The following PDZRN4 variants were observed in gnomAD, a reference collection of about 807,000 sequenced individuals.
The protein encoded by PDZRN4 is PDZ domain containing ring finger 4.
A neutral mutation model predicts 99.0 loss-of-function variants in PDZRN4; 70 were observed. The observed-to-expected ratio is 0.71, with a 90% CI of 0.58 to 0.86. The LOEUF is 0.86. Ranked by LOEUF, PDZRN4 falls within the 40% of genes least tolerant of loss-of-function variation. PDZRN4 has a pLI of 0.00. For missense variants in PDZRN4, 1,474 were observed against 1,331.2 expected, an observed-to-expected ratio of 1.11 and a Z score of -1.67; for synonymous variants, 551 against 501.6, an observed-to-expected ratio of 1.10 and a Z score of -1.32.
At chr12:41,399,835 A>G (rs1952277074) in intron 3 of PDZRN4, among the ~76,000 whole-genome samples, 1 of 151,954 alleles carries the variant, frequency 6.6e-6, no homozygotes, top group Non-Finnish European at 1.5e-5. Context: ...TTAATTGTTC[A>G]ATGGGTTTTT....
chr12:41,374,959 T>C (rs1952068896), intron 3 of PDZRN4, among the ~76,000 whole-genome samples: 1 of 152,198 alleles, frequency 6.6e-6, no homozygotes, highest in Non-Finnish European at 1.5e-5. Context: ...TTTCATTTTG[T>C]GCTCTCTCTC....
At chr12:41,245,532 G>A (rs985271196) in intron 3 of PDZRN4, among the ~76,000 whole-genome samples, 1 of 152,072 alleles carries the variant, frequency 6.6e-6, no homozygotes, top group African/African-American at 2.4e-5. Flanking sequence ...TAATGTAATA[G>A]GATACCTAGG....
chr12:41,446,986 G>A (rs1952734445), intron 3 of PDZRN4, among the ~76,000 whole-genome samples: 1 of 151,858 alleles, frequency 6.6e-6, no homozygotes, highest in Non-Finnish European at 1.5e-5. Context: ...GGGGTAATGG[G>A]AACAGCTGGA....
At chr12:41,343,742 T>C (rs1290513988) in intron 3 of PDZRN4, among the ~76,000 whole-genome samples, 1 of 151,870 alleles carries the variant, frequency 6.6e-6, no homozygotes, top group Non-Finnish European at 1.5e-5. Flanking sequence ...TTTTGAATGG[T>C]CTCACTACAA....
At chr12:41,493,596 C>A (rs1304051297) in intron 3 of PDZRN4, among the ~76,000 whole-genome samples, 2 of 152,098 alleles carry the variant, frequency 1.3e-5, no homozygotes, top group African/African-American at 4.8e-5. Context: ...TCTCGTTGTA[C>A]ACGCATGCTC....
At position 41,328,115 on chromosome 12, in the gene PDZRN4, T is replaced by C. The variant is rs546458213; in HGVS notation, c.843+133927T>C. On this transcript the variant is annotated intron_variant, in intron 3 of 9. Coordinates refer to ENST00000402685, the MANE Select transcript of PDZRN4 (RefSeq NM_001164595.2). ...CTACCCAACTATTAACTATGCACTA[T>C]AAAAGAACAGTGAAAGATAAAGCTG... Among the ~76,000 whole-genome samples the C allele has an allele frequency of 1.4e-4, 22 of 152,108 alleles. No individual in the cohort carries two copies. In the South Asian group the frequency reaches 4.6e-3, roughly 32 times the overall value.
At chr12:41,394,326 G>C (rs1592041744) in intron 3 of PDZRN4, among the ~76,000 whole-genome samples, 1 of 152,086 alleles carries the variant, frequency 6.6e-6, no homozygotes, top group South Asian at 2.1e-4. Flanking sequence ...TCGGTCTATT[G>C]CAGGACACTC....
chr12:41,572,227 T>C (rs1939494370), intron 9 of PDZRN4, 137 bp from the exon 10 acceptor site: 1 of 668,186 alleles, frequency 1.5e-6, no homozygotes, highest in Non-Finnish European at 2.5e-6. Context: ...TCTAAAATTG[T>C]GATGGACCCT....
intron 8 of PDZRN4, among the ~76,000 whole-genome samples, chr12:41,565,519 G>GT (rs11342815): frequency 1.7e-3 from 241 of 145,906 alleles, no homozygotes; most frequent in Middle Eastern, 3.4e-3. Flanking sequence ...ATTGTTGTAT[G>GT]TTTTTTTTTT....
chr12:41,335,822 C>A (rs1158613433), intron 3 of PDZRN4, among the ~76,000 whole-genome samples: 1 of 152,086 alleles, frequency 6.6e-6, no homozygotes, highest in East Asian at 1.9e-4. Context: ...AGAAAATCAA[C>A]ATGGTAGCTT....
intron 3 of PDZRN4, among the ~76,000 whole-genome samples, chr12:41,464,412 G>A (rs1952905743): frequency 6.6e-6 from 1 of 152,152 alleles, no homozygotes; most frequent in Admixed American, 6.5e-5. Flanking sequence ...CCATTCTGAT[G>A]CCATTCACTG....
chr12:41,312,934 C>T (rs1372760412), intron 3 of PDZRN4, among the ~76,000 whole-genome samples: 2 of 152,174 alleles, frequency 1.3e-5, no homozygotes, highest in Non-Finnish European at 2.9e-5. Flanking sequence ...TCGCACTGCC[C>T]TTCTTAGTGT....
intron 3 of PDZRN4, among the ~76,000 whole-genome samples, chr12:41,231,234 C>T (rs1328931862): frequency 6.6e-6 from 1 of 152,042 alleles, no homozygotes; most frequent in Non-Finnish European, 1.5e-5. Flanking sequence ...TGCTCTGTTG[C>T]CATTCCGGGT....
chr12:41,408,047 G>A lies in PDZRN4; in HGVS notation c.844-98409G>A, dbSNP rs564322487. Reference sequence around the variant, plus strand: ...AGAGTGTGATGTTTGATAATAAGGCGAGTTAGCTGAGTAGAGAAATATACA... The same window carrying A: ...AGAGTGTGATGTTTGATAATAAGGCAAGTTAGCTGAGTAGAGAAATATACA... On this transcript the variant is annotated intron_variant, in intron 3 of 9. Transcript: ENST00000402685. Among the ~76,000 whole-genome samples the A allele has an allele frequency of 1.4e-3, 213 of 152,278 alleles. 1 individual carries two copies. The highest frequency in any genetic ancestry group is 2.6e-3 in the African/African-American group (107 of 41,570).
At chr12:41,348,179 A>G (rs1485571657) in intron 3 of PDZRN4, among the ~76,000 whole-genome samples, 1 of 152,142 alleles carries the variant, frequency 6.6e-6, no homozygotes, top group African/African-American at 2.4e-5. Flanking sequence ...AATCAAGTAA[A>G]TCATTGACTA....
At chr12:41,460,197 T>C (rs1399267659) in intron 3 of PDZRN4, 4 of 651,670 alleles carry the variant, frequency 6.1e-6, no homozygotes, top group Non-Finnish European at 6.5e-6. Context: ...TATTCCTATA[T>C]TGAATATCCT....
chr12:41,483,155 T>C (rs144468906), intron 3 of PDZRN4, among the ~76,000 whole-genome samples: 30 of 152,160 alleles, frequency 2.0e-4, no homozygotes, highest in African/African-American at 6.0e-4. Flanking sequence ...CCTTTTATAT[T>C]TTCCCCTCTT....
At chr12:41,209,214 A>G (rs1950870808) in intron 3 of PDZRN4, among the ~76,000 whole-genome samples, 1 of 152,036 alleles carries the variant, frequency 6.6e-6, no homozygotes, top group African/African-American at 2.4e-5. Flanking sequence ...TTAAAAATCA[A>G]CAGTTACTTT....
chr12:41,250,724 G>A (rs1033616008), intron 3 of PDZRN4, among the ~76,000 whole-genome samples: 4 of 152,214 alleles, frequency 2.6e-5, no homozygotes, highest in South Asian at 2.1e-4. Context: ...TTGCACTTAC[G>A]TGTTGAGAGG....
Sources: gnomAD v4.1 joint callset for allele counts (sites outside exome capture counted in the v4.1 genomes callset) on GRCh38, gnomAD v4.1.1 for gene constraint, MANE v1.5 for transcripts, NCBI Gene and HGNC (gene_info 2026-07-23, HGNC 2026-07-21) for gene names.